CHD2: variants seen among roughly 807,000 people sequenced by gnomAD.
CHD2 encodes chromodomain helicase DNA binding protein 2, also known as ATP-dependent chromatin remodeler CHD2.
In CHD2, 28 loss-of-function variants were observed where a neutral mutation model predicts 243.9. That is an observed-to-expected ratio of 0.11 (90% CI 0.09 to 0.16). The LOEUF is 0.16. Among genes scored for constraint, CHD2 ranks in the 10% least tolerant of loss-of-function variants. The pLI is 1.00. For missense variants in CHD2, 1,386 were observed against 2,209.8 expected, an observed-to-expected ratio of 0.63 and a Z score of 7.47; for synonymous variants, 775 against 779.0, an observed-to-expected ratio of 0.99 and a Z score of 0.09.
rs539430561 is a variant in CHD2, at chr15:92,967,228, T to C, written c.2001-97T>C. ...TTAAGAGCTCTAGTGATTGATAATG[T>C]CTTTCCTTATGGGAAAGATTCATTT... On this transcript the variant is annotated intron_variant, in intron 16 of 38. Transcript: ENST00000394196. The C allele has an allele frequency of 9.2e-6, 8 of 866,890 alleles. No individual in the cohort carries two copies. In the African/African-American group the frequency reaches 1.2e-4, roughly 13 times the overall value. 53.7% of individuals were successfully genotyped at this position (866,890 alleles called of 1,614,324 possible). A position where few individuals can be genotyped will look rare whatever the true frequency, so the allele number is the denominator to read the frequency against.
At chr15:92,956,711 A>T in intron 16 of CHD2, 62 bp downstream of exon 16, 1 of 1,488,448 alleles carries the variant, frequency 6.7e-7, no homozygotes, top group Non-Finnish European at 9.1e-7. Flanking sequence ...ATGCTTTTTA[A>T]CTTTCTTAGT....
chr15:92,950,622 C>T (rs945977636), intron 13 of CHD2, among the ~76,000 whole-genome samples: 1 of 152,036 alleles, frequency 6.6e-6, no homozygotes, highest in African/African-American at 2.4e-5. Flanking sequence ...GACATGGTGG[C>T]ATGCTTATGT....
chr15:92,977,528 A>G (rs1408631467), intron 20 of CHD2, among the ~76,000 whole-genome samples: 1 of 152,062 alleles, frequency 6.6e-6, no homozygotes, highest in Non-Finnish European at 1.5e-5. Context: ...TATATATTTT[A>G]TTCTTTTTCT....
chr15:92,977,953 G>A (rs1380173073), intron 20 of CHD2, among the ~76,000 whole-genome samples: 1 of 152,104 alleles, frequency 6.6e-6, no homozygotes, highest in Non-Finnish European at 1.5e-5. Context: ...TTAACTTCTT[G>A]TATATTAGTT....
At chr15:92,967,967 C>T (rs1054791379) in intron 17 of CHD2, among the ~76,000 whole-genome samples, 4 of 151,600 alleles carry the variant, frequency 2.6e-5, no homozygotes, top group South Asian at 4.2e-4. Flanking sequence ...ATGTAAGCTC[C>T]GTGCATTTTG....
intron 2 of CHD2, among the ~76,000 whole-genome samples, chr15:92,910,649 G>C (rs1258051695): frequency 6.6e-6 from 1 of 152,042 alleles, no homozygotes; most frequent in African/African-American, 2.4e-5. Flanking sequence ...TGCCACCTCC[G>C]CCTCCCAAAG....
At chr15:92,927,764 A>G (rs2053090143) in intron 4 of CHD2, among the ~76,000 whole-genome samples, 1 of 152,222 alleles carries the variant, frequency 6.6e-6, no homozygotes, top group Non-Finnish European at 1.5e-5. Context: ...TGCTTAATTA[A>G]TGTATCTACT....
At chr15:92,968,488 A>G (rs2053797057) in intron 17 of CHD2, among the ~76,000 whole-genome samples, 1 of 152,258 alleles carries the variant, frequency 6.6e-6, no homozygotes, top group Non-Finnish European at 1.5e-5. Flanking sequence ...ATTGTTTCAC[A>G]GGATAAATGT....
chr15:92,925,383 T>C (rs2053039686), intron 3 of CHD2, among the ~76,000 whole-genome samples: 1 of 152,194 alleles, frequency 6.6e-6, no homozygotes, highest in African/African-American at 2.4e-5. Context: ...GACTTAGATA[T>C]CGGCTCTCAA....
rs2053325027 is a variant in CHD2, at chr15:92,939,632, A to T, written c.606A>T (p.Arg202Ser). The T allele has an allele frequency of 6.2e-7, 1 of 1,614,198 alleles. No individual in the cohort carries two copies. Among genetic ancestry groups the T allele is most frequent in the East Asian group, 2.2e-5 (1 of 44,884 alleles). ...KKQPKTQRGK[R>S]KKQDSSDEDD... ...AGCCGAAGACTCAGCGTGGAAAGAG[A>T]AAAAAGCAAGATTCTTCTGATGAGG... Residue 202 changes from arginine to serine, a missense_variant, in exon 7 of 39, where the codon AGA becomes AGT. By Grantham distance (110) the Arg-to-Ser change is moderately radical (BLOSUM62 -1). Around this residue, in one of 19 missense-constraint regions of CHD2, gnomAD observed 90 missense variants for 78.0 expected, o/e 1.15. Transcript: ENST00000394196.
intron 13 of CHD2, 87 bp downstream of exon 13, chr15:92,949,163 A>G (rs940661975): frequency 2.5e-6 from 4 of 1,573,958 alleles, no homozygotes; most frequent in South Asian, 1.2e-5. Context: ...TTCTTTTTTC[A>G]CACCCTTATT....
At chr15:92,904,384 A>G (rs1244319815) in intron 2 of CHD2, 7 of 932,480 alleles carry the variant, frequency 7.5e-6, no homozygotes, top group African/African-American at 3.6e-5. Flanking sequence ...CCGCCCCGTG[A>G]CGTCAGACGG....
Position 92,998,626 on chromosome 15 carries a change from G to GTA in CHD2, c.4008+6_4008+7dup, listed in dbSNP as rs754210119. The GTA allele has an allele frequency of 1.9e-6, 3 of 1,611,080 alleles. No homozygotes were observed. The highest frequency in any genetic ancestry group is 2.5e-6 in the Non-Finnish European group (3 of 1,178,944). ...GCTGTGACAGGTGGGGAAGAGGTGAGTACGCTGCCAGCTGGTTGTTTTTCA... is the reference window on the plus strand; with the variant it reads ...GCTGTGACAGGTGGGGAAGAGGTGAGTATACGCTGCCAGCTGGTTGTTTTTCA... On this transcript the variant is annotated splice_donor_region_variant and intron_variant, in intron 31 of 38. Coordinates refer to ENST00000394196, the MANE Select transcript of CHD2 (RefSeq NM_001271.4). The surrounding 1 kb of genome is among the most constrained non-coding windows in gnomAD (Gnocchi z 5.1).
rs539655046 is a variant in CHD2, at chr15:92,973,081, C to T, written c.2505+664C>T. 1.4e-4 allele frequency among the ~76,000 whole-genome samples: 22 copies of T among 152,234 alleles called. 1 individual carries two copies. The South Asian group carries it at 4.6e-3, about 32-fold the overall frequency. On this transcript the variant is annotated intron_variant, in intron 19 of 38. Transcript: ENST00000394196. The stretch of plus-strand genomic sequence containing the variant: ...GTAAGTGTGAGCTCAATTCCAGGAG[C>T]CCAAATCCTAGAAGGAGAGGGCAGT...
At position 92,924,380 on chromosome 15, in the gene CHD2, A is replaced by G; in HGVS notation, c.122A>G (p.Gln41Arg). Residue 41 changes from glutamine to arginine, a missense_variant, in exon 3 of 39, where the codon CAG becomes CGG. Physicochemically the swap from Gln to Arg is conservative, Grantham distance 43. Coordinates refer to ENST00000394196, the MANE Select transcript of CHD2 (RefSeq NM_001271.4). Reference protein sequence around the residue: ...SDSGSQSESEQGSDPGSGHGS... With the variant: ...SDSGSQSESERGSDPGSGHGS... ...TCAGGCAGTCAGTCGGAAAGTGAGC[A>G]GGGAAGTGATCCAGGAAGTGGACAT... The G allele has an allele frequency of 2.5e-6, 4 of 1,614,152 alleles. No individual in the cohort carries two copies. Among genetic ancestry groups the G allele is most frequent in the Non-Finnish European group, 3.4e-6 (4 of 1,180,022 alleles).
At chr15:92,975,336 G>T (rs1299466823) in intron 20 of CHD2, among the ~76,000 whole-genome samples, 1 of 152,206 alleles carries the variant, frequency 6.6e-6, no homozygotes, top group African/African-American at 2.4e-5. Context: ...TCTCAAATTT[G>T]TTGGACTTCT....
chr15:93,021,011 G>A (rs2054529018), intron 38 of CHD2: 2 of 152,238 alleles, frequency 1.3e-5, no homozygotes, highest in Admixed American at 1.3e-4. Context: ...CTATTGTCTG[G>A]ACCCAGTGGG....
At chr15:92,993,019 T>C in intron 28 of CHD2, 21 bp downstream of exon 28, 1 of 1,612,166 alleles carries the variant, frequency 6.2e-7, no homozygotes, top group Non-Finnish European at 8.5e-7. Context: ...TTGGCTTTAG[T>C]GAGTCTTCGC....
chr15:92,938,940 T>G (rs1322010305), intron 6 of CHD2, among the ~76,000 whole-genome samples: 1 of 152,226 alleles, frequency 6.6e-6, no homozygotes, highest in Non-Finnish European at 1.5e-5. Flanking sequence ...TTATGTATAG[T>G]TACTTCTTGT....
Sources: allele counts gnomAD v4.1 joint callset (sites outside exome capture counted in the v4.1 genomes callset), GRCh38; gene constraint gnomAD v4.1.1; regional missense constraint gnomAD v4.1.1; non-coding constraint Gnocchi (gnomAD v3.1); transcripts MANE v1.5; gene names NCBI Gene and HGNC (gene_info 2026-07-23, HGNC 2026-07-21).